The following TTLL5 variants were observed in gnomAD, a reference collection of about 807,000 sequenced individuals.
TTLL5 encodes tubulin tyrosine ligase like 5.
A neutral mutation model predicts 168.4 loss-of-function variants in TTLL5; 132 were observed. The observed-to-expected ratio is 0.78, with a 90% CI of 0.68 to 0.91. The LOEUF is 0.91. Ranked by LOEUF, TTLL5 falls within the 40% of genes least tolerant of loss-of-function variation. The pLI is 0.00. For synonymous variants in TTLL5, 546 were observed against 558.6 expected (o/e 0.98, Z 0.32); for missense variants, 1,545 against 1,581.5 (o/e 0.98, Z 0.39).
chr14:75,845,536 G>C (rs947537189), intron 28 of TTLL5, among the ~76,000 whole-genome samples: 1 of 152,180 alleles, frequency 6.6e-6, no homozygotes, highest in African/African-American at 2.4e-5. Context: ...ATAAGAATCT[G>C]TGCTGTAAGT....
At chr14:75,788,019 T>G (rs1209758820) in intron 26 of TTLL5, among the ~76,000 whole-genome samples, 1 of 152,150 alleles carries the variant, frequency 6.6e-6, no homozygotes, top group African/African-American at 2.4e-5. Flanking sequence ...TTATAGTTGG[T>G]GTGCACCTGT....
chr14:75,665,286 CA>C (rs1408093332), intron 2 of TTLL5, among the ~76,000 whole-genome samples: 2 of 152,126 alleles, frequency 1.3e-5, no homozygotes, highest in Non-Finnish European at 2.9e-5. Flanking sequence ...CTAAAGACAA[CA>C]ACATGAAGAC....
At chr14:75,663,940 T>G (rs1048105718) in intron 2 of TTLL5, among the ~76,000 whole-genome samples, 2 of 151,876 alleles carry the variant, frequency 1.3e-5, no homozygotes, top group African/African-American at 4.8e-5. Context: ...AGAAATTAGC[T>G]GGGCGTGATG....
At position 75,938,295 on chromosome 14, in the gene TTLL5, A is replaced by G. The variant is rs567837981; in HGVS notation, c.3824-16129A>G. 6.6e-5 allele frequency among the ~76,000 whole-genome samples: 10 copies of G among 152,348 alleles called. No homozygotes were observed. The South Asian group carries it at 1.9e-3, about 28-fold the overall frequency. The stretch of plus-strand genomic sequence containing the variant: ...AATCATCTGTATGGAGATACTTGTT[A>G]AAACTGTGAGTGGATGCATTCTCCA... On this transcript the variant is annotated intron_variant, in intron 31 of 31. Transcript: ENST00000298832.
At chr14:75,824,846 A>G (rs995113055) in intron 28 of TTLL5, among the ~76,000 whole-genome samples, 1 of 151,900 alleles carries the variant, frequency 6.6e-6, no homozygotes, top group African/African-American at 2.4e-5. Context: ...TGCCTCTGTT[A>G]TAAGGGAATT....
At chr14:75,910,361 G>A (rs2033323290) in intron 31 of TTLL5, among the ~76,000 whole-genome samples, 1 of 152,190 alleles carries the variant, frequency 6.6e-6, no homozygotes, top group African/African-American at 2.4e-5. Flanking sequence ...GTGTGGTCCT[G>A]TGTAATATCC....
chr14:75,898,201 T>G (rs914100317), intron 30 of TTLL5, among the ~76,000 whole-genome samples: 2 of 152,220 alleles, frequency 1.3e-5, no homozygotes, highest in African/African-American at 2.4e-5. Context: ...AGAAATTGAT[T>G]GTAATTTCAA....
At chr14:75,925,996 G>A (rs895990864) in intron 31 of TTLL5, among the ~76,000 whole-genome samples, 9 of 151,876 alleles carry the variant, frequency 5.9e-5, no homozygotes, top group South Asian at 2.1e-4. Flanking sequence ...CCGAGATGGC[G>A]GCAGTATAGT....
At chr14:75,893,817 CAAAAAAAAAAA>C (rs61332109) in intron 30 of TTLL5, among the ~76,000 whole-genome samples, 8 of 71,600 alleles carry the variant, frequency 1.1e-4, no homozygotes, top group African/African-American at 3.0e-4. Context: ...GACTCCATCT[CAAAAAAAAAAA>C]AAAAAAAAAA....
At chr14:75,683,764 G>C in intron 5 of TTLL5, 108 bp downstream of exon 5, 14 of 732,742 alleles carry the variant, frequency 1.9e-5, no homozygotes, top group Non-Finnish European at 2.8e-5. Context: ...TGAAAATGAA[G>C]AAGAAGAAGG....
chr14:75,786,276 A>T (rs761043342), intron 26 of TTLL5, among the ~76,000 whole-genome samples: 1 of 152,222 alleles, frequency 6.6e-6, no homozygotes, highest in Non-Finnish European at 1.5e-5. Flanking sequence ...GAAATTCAGT[A>T]AGATGAATGT....
chr14:75,884,798 T>C (rs917867774), intron 30 of TTLL5, among the ~76,000 whole-genome samples: 2 of 151,940 alleles, frequency 1.3e-5, no homozygotes, highest in Non-Finnish European at 2.9e-5. Context: ...TCCTGACTTT[T>C]AGGAAAAAGA....
chr14:75,874,492 A>T (rs2031297916), intron 29 of TTLL5, among the ~76,000 whole-genome samples: 1 of 152,236 alleles, frequency 6.6e-6, no homozygotes, highest in South Asian at 2.1e-4. Flanking sequence ...AAACAGCATT[A>T]GCATCAATTG....
intron 28 of TTLL5, among the ~76,000 whole-genome samples, chr14:75,860,242 A>T (rs1357744650): frequency 6.6e-6 from 1 of 152,128 alleles, no homozygotes; most frequent in Non-Finnish European, 1.5e-5. Flanking sequence ...CCCCCACCTC[A>T]TATTCACACA....
intron 3 of TTLL5, among the ~76,000 whole-genome samples, chr14:75,672,994 A>G (rs1170960252): frequency 1.3e-5 from 2 of 151,896 alleles, no homozygotes; most frequent in Non-Finnish European, 2.9e-5. Context: ...GCTGGAGTGC[A>G]GTGGTGTAAT....
intron 31 of TTLL5, among the ~76,000 whole-genome samples, chr14:75,903,469 G>T (rs2033012012): frequency 6.6e-6 from 1 of 152,016 alleles, no homozygotes; most frequent in South Asian, 2.1e-4. Flanking sequence ...GAGGTAGTAG[G>T]GCCATTTTAT....
intron 27 of TTLL5, chr14:75,818,541 G>A: frequency 2.8e-6 from 1 of 351,836 alleles, no homozygotes; most frequent in South Asian, 2.1e-5. Context: ...AGGCTTGAGT[G>A]CAGTGGCATG....
Position 75,683,465 on chromosome 14 carries a change from CTG to C in TTLL5, c.265-82_265-81del, listed in dbSNP as rs1884785766. ...GAGTACACTGTGGATGAAAAAATCA[CTG>C]TGGCTTTTTCTGCCATTGCTTTTCC... On this transcript the variant is annotated intron_variant, in intron 4 of 31. Coordinates refer to ENST00000298832, the MANE Select transcript of TTLL5 (RefSeq NM_015072.5). 11 of 1,116,012 alleles carry C rather than the reference CTG, an allele frequency of 9.9e-6. No homozygotes were observed. In the East Asian group the frequency reaches 2.4e-4, roughly 24 times the overall value. 69.1% of individuals were successfully genotyped at this position (1,116,012 alleles called of 1,614,324 possible). A position where few individuals can be genotyped will look rare whatever the true frequency, so the allele number is the denominator to read the frequency against.
intron 25 of TTLL5, 43 bp from the exon 26 acceptor site, chr14:75,783,104 G>A (rs1462380076): frequency 6.5e-7 from 1 of 1,534,140 alleles, no homozygotes; most frequent in Admixed American, 1.9e-5. Flanking sequence ...TTGTATGTTT[G>A]TTTTTCCTAT....
Sources: gnomAD v4.1 joint callset for allele counts (sites outside exome capture counted in the v4.1 genomes callset) on GRCh38, gnomAD v4.1.1 for gene constraint, MANE v1.5 for transcripts, NCBI Gene and HGNC (gene_info 2026-07-23, HGNC 2026-07-21) for gene names.